Variants in ZNF320 observed in about 807,000 individuals in gnomAD.
ZNF320 encodes the protein zinc finger gene 320.
A neutral mutation model predicts 6.8 loss-of-function variants in ZNF320; 2 were observed. The ratio of observed to expected loss-of-function variants is 0.29; its 90% confidence interval spans 0.12 to 0.93. ZNF320 has a LOEUF of 0.93. Among genes scored for constraint, ZNF320 ranks in the 40% least tolerant of loss-of-function variants. The pLI is 0.55. For missense variants in ZNF320, 472 were observed against 611.0 expected (o/e 0.77, Z 2.40); for synonymous variants, 208 against 203.2 (o/e 1.02, Z -0.20).
At chr19:52,886,496 A>G (rs2064082679) in intron 5 of ZNF320, among the ~76,000 whole-genome samples, 1 of 152,210 alleles carries the variant, frequency 6.6e-6, no homozygotes, top group Non-Finnish European at 1.5e-5. Context: ...CATACCTGCA[A>G]CAATAACCTC....
rs1010006791 is a variant in ZNF320 at position 52,880,550 on chromosome 19, T to C, written c.*46A>G. ...AATGTCGATTAATGCTTGAAATCAA[T>C]GTTAAGTCAACTCAAACTCAGGTCA... On this transcript the variant is annotated 3_prime_UTR_variant, in exon 6 of 6. Transcript: ENST00000682928. 6.6e-7 allele frequency: 1 copy of C among 1,523,920 alleles called. No individual in the cohort carries two copies. The allele number at this position is 1,523,920 out of a possible 1,614,324, so 94.4% of individuals were successfully genotyped here.
Position 52,880,241 on chromosome 19 carries a change from A to G in ZNF320, c.*355T>C, listed in dbSNP as rs182357256. 17 of 175,932 alleles carry G rather than the reference A, an allele frequency of 9.7e-5. No individual in the cohort carries two copies. The highest frequency in any genetic ancestry group is 3.4e-4 in the Admixed American group (6 of 17,668). 10.9% of individuals were successfully genotyped at this position (175,932 alleles called of 1,614,324 possible). A position where few individuals can be genotyped will look rare whatever the true frequency, so the allele number is the denominator to read the frequency against. ...CACGCACCTGTAGTCCCAGCTACTC[A>G]GGAGACTGAGGCAGGAGAATTGCAT... On this transcript the variant is annotated 3_prime_UTR_variant, in exon 6 of 6. Transcript: ENST00000682928.
At chr19:52,861,795 C>T (rs1423205659) in exon 6 of ZNF320, 5 of 358,648 alleles carry the variant, frequency 1.4e-5, no homozygotes, top group Non-Finnish European at 2.8e-5. Flanking sequence ...TGATGTTCTG[C>T]AAGGAGTGAC....
At chr19:52,866,887 A>AAAAAAAAAG (rs2063584693) in intron 5 of ZNF320, among the ~76,000 whole-genome samples, 1 of 150,450 alleles carries the variant, frequency 6.6e-6, no homozygotes, top group Non-Finnish European at 1.5e-5. Context: ...AAAAAAAAAA[A>AAAAAAAAAG]AAAGAAAAGA....
chr19:52,886,133 A>T (rs2064070657), intron 5 of ZNF320, among the ~76,000 whole-genome samples: 1 of 151,918 alleles, frequency 6.6e-6, no homozygotes, highest in Admixed American at 6.6e-5. Flanking sequence ...GAATTTTTTT[A>T]TTTTTATTTT....
exon 6 of ZNF320, chr19:52,862,399 T>TA (rs1162145002): frequency 6.4e-6 from 3 of 465,926 alleles, no homozygotes; most frequent in Non-Finnish European, 1.3e-5. Context: ...AGCTGTGATT[T>TA]ACGACTGAAA....
exon 6 of ZNF320, chr19:52,861,962 C>T: frequency 2.7e-6 from 1 of 364,576 alleles, no homozygotes; most frequent in Admixed American, 3.7e-5. Flanking sequence ...CTATGTTTTG[C>T]CTAGGATGAA....
downstream of ZNF320, among the ~76,000 whole-genome samples, chr19:52,872,222 C>T (rs1165882443): frequency 6.6e-6 from 1 of 152,208 alleles, no homozygotes; most frequent in Non-Finnish European, 1.5e-5. Context: ...CATATTGACT[C>T]ACTGGTGTAG....
At chr19:52,872,587 C>T (rs1394736442), downstream of ZNF320, among the ~76,000 whole-genome samples, 7 of 152,126 alleles carry the variant, frequency 4.6e-5, no homozygotes, top group African/African-American at 9.7e-5. Flanking sequence ...CTGAAACCTC[C>T]GCCTCCCGGG....
intron 1 of ZNF320, among the ~76,000 whole-genome samples, chr19:52,894,481 G>T (rs1289279782): frequency 6.6e-6 from 1 of 151,980 alleles, no homozygotes; most frequent in Non-Finnish European, 1.5e-5. Context: ...CTAAGGTTCT[G>T]ATGGCATGAA....
upstream of ZNF320, among the ~76,000 whole-genome samples, chr19:52,901,439 GTCA>G (rs913641488): frequency 2.4e-4 from 37 of 152,274 alleles, no homozygotes; most frequent in African/African-American, 8.7e-4. Context: ...AGCAGGGCTT[GTCA>G]TCTTCTTCAG....
At chr19:52,896,812 C>A (rs1427189841) in intron 1 of ZNF320, among the ~76,000 whole-genome samples, 1 of 152,164 alleles carries the variant, frequency 6.6e-6, no homozygotes, top group African/African-American at 2.4e-5. Flanking sequence ...AAAGGAAAAA[C>A]CCCATCTCCC....
intron 5 of ZNF320, among the ~76,000 whole-genome samples, chr19:52,870,324 C>G (rs576544729): frequency 6.6e-6 from 1 of 151,266 alleles, no homozygotes; most frequent in Non-Finnish European, 1.5e-5. Flanking sequence ...ACTAAAAATA[C>G]AAAAATTAGC....
chr19:52,882,639 T>C (rs1487134768), intron 5 of ZNF320, among the ~76,000 whole-genome samples: 1 of 152,014 alleles, frequency 6.6e-6, no homozygotes, highest in Non-Finnish European at 1.5e-5. Flanking sequence ...AAAGTGAGAC[T>C]CTGTCTCAGA....
chr19:52,885,887 A>T (rs961449339), intron 5 of ZNF320, among the ~76,000 whole-genome samples: 2 of 152,130 alleles, frequency 1.3e-5, no homozygotes, highest in African/African-American at 4.8e-5. Context: ...CTGGGTGACA[A>T]GAGCAAAACT....
rs2063930075 is a variant in ZNF320 at position 52,881,796 on chromosome 19, T to C, written c.330A>G (p.Glu110=). 2.5e-6 allele frequency: 4 copies of C among 1,613,880 alleles called. No individual in the cohort carries two copies. The East Asian group carries it at 8.9e-5, about 36-fold the overall frequency. Residue 110 remains glutamate, a synonymous_variant, in exon 6 of 6, where the codon GAA becomes GAG. Transcript: ENST00000682928. ...QWQEDETNDH[E]APMTEIKKLT... ...ACTTTTTTATTTCTGTCATGGGTGC[T>C]TCATGGTCATTTGTTTCATCTTCTT...
At chr19:52,885,180 TGA>T (rs2147837919) in intron 5 of ZNF320, among the ~76,000 whole-genome samples, 1 of 151,428 alleles carries the variant, frequency 6.6e-6, no homozygotes, top group South Asian at 2.1e-4. Context: ...TTAGCCTGGG[TGA>T]GAGACTGAGA....
rs983725074 is a variant in ZNF320 at position 52,878,341 on chromosome 19, C to T, written c.*2255G>A. ...CTCTGCTCATGGCAAGCTCCACCTC[C>T]TCGGTTCATGCCATTCTCCTGCCTC... On this transcript the variant is annotated 3_prime_UTR_variant, in exon 6 of 6. Coordinates refer to ENST00000682928, the MANE Select transcript of ZNF320 (RefSeq NM_001351774.2). 1 of 150,128 alleles carries T rather than the reference C, an allele frequency of 6.7e-6. No homozygotes were observed. The highest frequency in any genetic ancestry group is 1.5e-5 in the Non-Finnish European group (1 of 67,970). 9.3% of individuals were successfully genotyped at this position (150,128 alleles called of 1,614,324 possible).
upstream of ZNF320, among the ~76,000 whole-genome samples, chr19:52,901,923 T>C (rs1489037208): frequency 1.3e-5 from 2 of 152,206 alleles, no homozygotes; most frequent in Non-Finnish European, 2.9e-5. Context: ...CATTTTTTTT[T>C]TTCTTTCTGA....
Sources: gnomAD v4.1 joint callset for allele counts (sites outside exome capture counted in the v4.1 genomes callset) on GRCh38, gnomAD v4.1.1 for gene constraint, MANE v1.5 for transcripts, NCBI Gene and HGNC (gene_info 2026-07-23, HGNC 2026-07-21) for gene names.